RARB: variants seen among roughly 807,000 people sequenced by gnomAD.
RARB encodes the protein retinoic acid receptor beta, also known as HBV-activated protein.
A neutral mutation model predicts 51.9 loss-of-function variants in RARB; 17 were observed. The observed-to-expected ratio is 0.33, with a 90% CI of 0.22 to 0.49. RARB has a LOEUF of 0.49. Among genes scored for constraint, RARB ranks in the 20% least tolerant of loss-of-function variants. RARB has a pLI of 0.99. For missense variants in RARB, 369 were observed against 550.8 expected (o/e 0.67, Z 3.30); for synonymous variants, 215 against 195.4 (o/e 1.10, Z -0.84).
chr3:25,485,124 A>G (rs997285425), intron 2 of RARB, among the ~76,000 whole-genome samples: 2 of 149,124 alleles, frequency 1.3e-5, no homozygotes. Flanking sequence ...AAAAACATAA[A>G]CTAAGCTGTG....
At chr3:24,894,461 C>A (rs1319735538) in intron 2 of RARB, among the ~76,000 whole-genome samples, 1 of 152,132 alleles carries the variant, frequency 6.6e-6, no homozygotes, top group Non-Finnish European at 1.5e-5. Flanking sequence ...TTCTTTATGG[C>A]TGCATAATAT....
intron 3 of RARB, among the ~76,000 whole-genome samples, chr3:25,524,814 C>T (rs1293458097): frequency 2.0e-5 from 3 of 152,122 alleles, no homozygotes; most frequent in African/African-American, 4.8e-5. Context: ...ACTGCAACCT[C>T]TGCCTCCTGG....
intron 2 of RARB, among the ~76,000 whole-genome samples, chr3:25,032,932 A>T (rs553763390): frequency 5.9e-5 from 9 of 152,242 alleles, no homozygotes; most frequent in Non-Finnish European, 1.3e-4. Flanking sequence ...CAATGAACAT[A>T]GTATTTTGCA....
At chr3:25,293,644 A>G (rs1048490036) in intron 5 of RARB, among the ~76,000 whole-genome samples, 3 of 147,382 alleles carry the variant, frequency 2.0e-5, no homozygotes, top group African/African-American at 7.4e-5. Context: ...GCAGCTGTCT[A>G]TGACAATAAC....
At chr3:24,862,295 A>C (rs1328093343) in intron 2 of RARB, among the ~76,000 whole-genome samples, 6 of 152,190 alleles carry the variant, frequency 3.9e-5, no homozygotes, top group Admixed American at 3.3e-4. Context: ...ATAGTGATTA[A>C]AAAGTATAAG....
chr3:25,384,088 C>G (rs78963521), intron 5 of RARB, among the ~76,000 whole-genome samples: 19 of 152,066 alleles, frequency 1.2e-4, no homozygotes, highest in African/African-American at 4.1e-4. Flanking sequence ...CTTCTGTCCC[C>G]TTAACTTCTT....
At chr3:25,339,187 G>A (rs1262790168) in intron 5 of RARB, among the ~76,000 whole-genome samples, 1 of 152,168 alleles carries the variant, frequency 6.6e-6, no homozygotes, top group African/African-American at 2.4e-5. Flanking sequence ...TTGTCCTACC[G>A]AAACAAACCT....
chr3:25,403,061 G>C (rs536741368), intron 5 of RARB, among the ~76,000 whole-genome samples: 3 of 151,590 alleles, frequency 2.0e-5, no homozygotes, highest in Admixed American at 6.6e-5. Flanking sequence ...TACTTGGGAG[G>C]CCTAGGCAGA....
intron 5 of RARB, among the ~76,000 whole-genome samples, chr3:25,331,537 G>A (rs1704895549): frequency 6.6e-6 from 1 of 152,166 alleles, no homozygotes; most frequent in Non-Finnish European, 1.5e-5. Flanking sequence ...TGTGTAGAGA[G>A]AAATTTATAG....
At chr3:25,324,560 T>C (rs963137321) in intron 5 of RARB, 15 of 163,978 alleles carry the variant, frequency 9.1e-5, no homozygotes, top group African/African-American at 3.6e-4. Context: ...GGATCAAGCA[T>C]GAATTACAAG....
chr3:25,032,150 T>G (rs1488947350), intron 2 of RARB, among the ~76,000 whole-genome samples: 2 of 152,232 alleles, frequency 1.3e-5, no homozygotes, highest in East Asian at 1.9e-4. Context: ...ACTAATTGTT[T>G]CCCTCTGCTA....
At chr3:25,118,393 C>G (rs1604011) in intron 3 of RARB, among the ~76,000 whole-genome samples, 1 of 151,904 alleles carries the variant, frequency 6.6e-6, no homozygotes, top group East Asian at 1.9e-4. Context: ...GTATCTCTTT[C>G]ACACCTTGTG....
intron 2 of RARB, among the ~76,000 whole-genome samples, chr3:24,906,844 CAAAAAAAAAAA>C (rs397875286): frequency 1.3e-5 from 1 of 76,040 alleles, no homozygotes; most frequent in Non-Finnish European, 2.6e-5. Context: ...GATTCCGTCT[CAAAAAAAAAAA>C]AAAAAAAAAA....
At chr3:24,995,999 T>C (rs1388609282) in intron 2 of RARB, among the ~76,000 whole-genome samples, 2 of 152,104 alleles carry the variant, frequency 1.3e-5, no homozygotes, top group Admixed American at 1.3e-4. Flanking sequence ...AATTTCTTCC[T>C]CTCCAATATT....
intron 2 of RARB, among the ~76,000 whole-genome samples, chr3:24,920,473 T>C (rs879548138): frequency 7.9e-5 from 12 of 152,202 alleles, no homozygotes; most frequent in Admixed American, 7.9e-4. Flanking sequence ...CCTTGAACAC[T>C]GTAGCTTCAG....
chr3:25,046,066 C>T (rs1050797188), intron 2 of RARB, among the ~76,000 whole-genome samples: 6 of 152,178 alleles, frequency 3.9e-5, no homozygotes, highest in South Asian at 2.1e-4. Context: ...GTAGTCTGCC[C>T]GGCTCTTTTG....
chr3:25,475,330 G>T (rs9866679), intron 2 of RARB, among the ~76,000 whole-genome samples: 115,939 of 151,884 alleles, frequency 0.76, 44,451 homozygotes, highest in Middle Eastern at 0.88. Flanking sequence ...GGGATGGTAA[G>T]AGTGACCTCC....
At chr3:25,228,715 A>G (rs899650405) in intron 5 of RARB, among the ~76,000 whole-genome samples, 5 of 152,048 alleles carry the variant, frequency 3.3e-5, no homozygotes, top group African/African-American at 1.2e-4. Flanking sequence ...TAAGTTCTCT[A>G]TGTGTGACTT....
chr3:25,152,818 G>A (rs1457458920), intron 4 of RARB, among the ~76,000 whole-genome samples: 4 of 152,320 alleles, frequency 2.6e-5, no homozygotes, highest in African/African-American at 9.6e-5. Context: ...GAGCAGTAAT[G>A]CTTTGACCTA....
Sources: gnomAD v4.1 joint callset for allele counts (sites outside exome capture counted in the v4.1 genomes callset) on GRCh38, gnomAD v4.1.1 for gene constraint, MANE v1.5 for transcripts, NCBI Gene and HGNC (gene_info 2026-07-23, HGNC 2026-07-21) for gene names.